The following SPOCK1 variants were observed in gnomAD, a reference collection of about 807,000 sequenced individuals.
The protein encoded by SPOCK1 is testican-1.
Under a neutral mutation model 55.3 loss-of-function variants are expected in SPOCK1, and 23 were observed. That is an observed-to-expected ratio of 0.42 (90% confidence interval 0.30 to 0.59). SPOCK1 has a LOEUF of 0.59. SPOCK1 is among the 20% of genes least tolerant of loss of function. The pLI is 0.22. For synonymous variants in SPOCK1, 226 were observed against 221.0 expected, an observed-to-expected ratio of 1.02 and a Z score of -0.20; for missense variants, 499 against 552.5, an observed-to-expected ratio of 0.90 and a Z score of 0.97.
At chr5:137,446,983 G>A (rs1333556547) in intron 2 of SPOCK1, among the ~76,000 whole-genome samples, 1 of 152,144 alleles carries the variant, frequency 6.6e-6, no homozygotes, top group Non-Finnish European at 1.5e-5. Flanking sequence ...GTGATAGAAT[G>A]TCCTTGCCTT....
At chr5:137,272,650 C>G (rs1047226717) in intron 2 of SPOCK1, among the ~76,000 whole-genome samples, 1 of 152,100 alleles carries the variant, frequency 6.6e-6, no homozygotes, top group African/African-American at 2.4e-5. Flanking sequence ...CCATCCAAAG[C>G]TACCACTCGT....
chr5:137,111,439 C>T (rs1291203009), intron 5 of SPOCK1, among the ~76,000 whole-genome samples: 2 of 152,128 alleles, frequency 1.3e-5, no homozygotes, highest in Admixed American at 1.3e-4. Flanking sequence ...CTACTCCCAC[C>T]CACCATGTCT....
intron 2 of SPOCK1, among the ~76,000 whole-genome samples, chr5:137,303,872 G>C (rs1757649472): frequency 6.6e-6 from 1 of 151,484 alleles, no homozygotes; most frequent in African/African-American, 2.4e-5. Flanking sequence ...TCCTTTCTTT[G>C]TACACACTCC....
intron 6 of SPOCK1, among the ~76,000 whole-genome samples, chr5:137,046,535 TG>T (rs927106257): frequency 3.4e-5 from 5 of 146,872 alleles, no homozygotes; most frequent in African/African-American, 1.3e-4. Flanking sequence ...AAGGAGATTT[TG>T]GGCTGAGACA....
At position 137,394,761 on chromosome 5, in the gene SPOCK1, G is replaced by A. The variant is rs147106163; in HGVS notation, c.186+103612C>T. On this transcript the variant is annotated intron_variant, in intron 2 of 10. Transcript: ENST00000394945. Reference sequence around the variant, plus strand: ...CTCTTGTTTCTTCCATGGGAGAAGTGTTATAAAGTGTAATAGGGTTTTAAG... The same window carrying A: ...CTCTTGTTTCTTCCATGGGAGAAGTATTATAAAGTGTAATAGGGTTTTAAG... Among the ~76,000 whole-genome samples the A allele has an allele frequency of 5.1e-4, 78 of 152,322 alleles. 1 individual carries two copies. In the East Asian group the frequency reaches 0.013, roughly 26 times the overall value.
intron 3 of SPOCK1, among the ~76,000 whole-genome samples, chr5:137,213,715 C>T (rs1279099177): frequency 1.3e-5 from 2 of 152,194 alleles, no homozygotes; most frequent in Admixed American, 6.5e-5. Context: ...ACAATACCTC[C>T]TTCTTGGAGT....
intron 3 of SPOCK1, among the ~76,000 whole-genome samples, chr5:137,147,697 C>G (rs1754223843): frequency 6.6e-6 from 1 of 152,196 alleles, no homozygotes; most frequent in South Asian, 2.1e-4. Flanking sequence ...GAGGCCCCCT[C>G]TCCAAATACA....
intron 5 of SPOCK1, among the ~76,000 whole-genome samples, chr5:137,092,415 G>T (rs1342447835): frequency 1.3e-5 from 2 of 152,112 alleles, no homozygotes; most frequent in Non-Finnish European, 2.9e-5. Flanking sequence ...GGAGGGCAGG[G>T]TGTCCAAGGC....
intron 2 of SPOCK1, among the ~76,000 whole-genome samples, chr5:137,331,132 G>T (rs1758171392): frequency 6.6e-6 from 1 of 152,158 alleles, no homozygotes; most frequent in Non-Finnish European, 1.5e-5. Flanking sequence ...GTACAGCAGT[G>T]TTCATGCTAC....
At chr5:137,475,898 A>T (rs981500094) in intron 2 of SPOCK1, among the ~76,000 whole-genome samples, 7 of 152,178 alleles carry the variant, frequency 4.6e-5, no homozygotes, top group Non-Finnish European at 8.8e-5. Flanking sequence ...ACATAAAAAA[A>T]GATGAAGATG....
chr5:137,450,591 T>C (rs1383648943), intron 2 of SPOCK1, among the ~76,000 whole-genome samples: 1 of 152,202 alleles, frequency 6.6e-6, no homozygotes, highest in Non-Finnish European at 1.5e-5. Flanking sequence ...AAATTCTTAG[T>C]AATTTTTTAA....
At chr5:137,368,687 G>A (rs1751129830) in intron 2 of SPOCK1, among the ~76,000 whole-genome samples, 1 of 152,142 alleles carries the variant, frequency 6.6e-6, no homozygotes, top group African/African-American at 2.4e-5. Context: ...AAGTGTCTTG[G>A]GCTGGCTTTT....
chr5:137,066,613 G>A (rs943206359), intron 6 of SPOCK1, among the ~76,000 whole-genome samples: 19 of 152,184 alleles, frequency 1.2e-4, no homozygotes, highest in African/African-American at 4.3e-4. Flanking sequence ...AGACTACAAA[G>A]AGGCTTATGT....
chr5:137,087,861 G>C (rs1752985859), intron 5 of SPOCK1, among the ~76,000 whole-genome samples: 1 of 55,742 alleles, frequency 1.8e-5, no homozygotes, highest in African/African-American at 4.6e-5. Context: ...TGTAAACCAA[G>C]GGAAACACAG....
chr5:137,325,410 C>T (rs1484998202), intron 2 of SPOCK1, among the ~76,000 whole-genome samples: 2 of 152,186 alleles, frequency 1.3e-5, no homozygotes, highest in African/African-American at 2.4e-5. Context: ...AGTACCCCAA[C>T]ACCCTCCTCA....
intron 4 of SPOCK1, among the ~76,000 whole-genome samples, chr5:137,129,250 C>A (rs906099942): frequency 3.3e-5 from 5 of 152,116 alleles, no homozygotes; most frequent in African/African-American, 1.2e-4. Context: ...TCTTCTTCCC[C>A]GACATAGGGC....
At chr5:137,321,161 T>C (rs1275654967) in intron 2 of SPOCK1, among the ~76,000 whole-genome samples, 1 of 146,264 alleles carries the variant, frequency 6.8e-6, no homozygotes, top group Non-Finnish European at 1.5e-5. Flanking sequence ...CAGAGACAGG[T>C]CATTGGAAAT....
intron 2 of SPOCK1, among the ~76,000 whole-genome samples, chr5:137,430,062 T>C (rs529305758): frequency 7.2e-5 from 11 of 152,346 alleles, no homozygotes; most frequent in Non-Finnish European, 1.0e-4. Flanking sequence ...TATTGAGCAG[T>C]TGCTGCTCCC....
chr5:137,498,544 C>A lies in SPOCK1; in HGVS notation c.15G>T (p.Ala5=). 1 of 1,528,214 alleles carries A rather than the reference C, an allele frequency of 6.5e-7. No individual in the cohort carries two copies. The highest frequency in any genetic ancestry group is 8.7e-7 in the Non-Finnish European group (1 of 1,144,238). 94.7% of individuals were successfully genotyped at this position (1,528,214 alleles called of 1,614,324 possible). A position where few individuals can be genotyped will look rare whatever the true frequency, so the allele number is the denominator to read the frequency against. MPAI[A]VLAAAAAAWC... ...ACGCCGCGGCGGCCGCCGCCAACAC[C>A]GCGATCGCCGGCATCTGCGGGGCAG... is the stretch of plus-strand genomic sequence containing the variant. The change falls in exon 2 of 11, where the codon GCG becomes GCT. Residue 5 remains alanine, a synonymous_variant. Transcript: ENST00000394945.
Sources: allele counts gnomAD v4.1 joint callset (sites outside exome capture counted in the v4.1 genomes callset), GRCh38; gene constraint gnomAD v4.1.1; transcripts MANE v1.5; gene names NCBI Gene and HGNC (gene_info 2026-07-23, HGNC 2026-07-21).